The following FHOD3 variants were observed in gnomAD, a reference collection of about 807,000 sequenced individuals.
FHOD3 encodes the protein FH1/FH2 domain-containing protein 3.
In FHOD3, 90 loss-of-function variants were observed where a neutral mutation model predicts 173.0. The ratio of observed to expected loss-of-function variants is 0.52; its 90% confidence interval spans 0.44 to 0.62. FHOD3 has a LOEUF of 0.62. Among genes scored for constraint, FHOD3 ranks in the 20% least tolerant of loss-of-function variants. The probability of loss-of-function intolerance (pLI) is 0.00; values close to 1 mark genes in which losing one functional copy is unlikely to be tolerated. For synonymous variants in FHOD3, 828 were observed against 823.0 expected, an observed-to-expected ratio of 1.01 and a Z score of -0.10; for missense variants, 1,945 against 2,034.7, an observed-to-expected ratio of 0.96 and a Z score of 0.85.
chr18:36,670,442 G>C (rs1398315112), intron 14 of FHOD3, among the ~76,000 whole-genome samples: 1 of 152,048 alleles, frequency 6.6e-6, no homozygotes, highest in Non-Finnish European at 1.5e-5. Flanking sequence ...CATTTTGAAT[G>C]TGTTTCATTT....
At chr18:36,592,989 GGAAA>G (rs1394164647) in intron 6 of FHOD3, among the ~76,000 whole-genome samples, 1 of 152,138 alleles carries the variant, frequency 6.6e-6, no homozygotes, top group Non-Finnish European at 1.5e-5. Context: ...TAGAGAGTGT[GGAAA>G]GAGAGAGGAG....
At chr18:36,762,140 T>TG (rs1319450533) in intron 27 of FHOD3, among the ~76,000 whole-genome samples, 5 of 152,210 alleles carry the variant, frequency 3.3e-5, no homozygotes, top group Non-Finnish European at 7.3e-5. Flanking sequence ...ATCTTGCTGT[T>TG]GTCAACATTC....
At chr18:36,699,762 C>T (rs1034179567) in intron 17 of FHOD3, among the ~76,000 whole-genome samples, 1 of 152,266 alleles carries the variant, frequency 6.6e-6, no homozygotes, top group African/African-American at 2.4e-5. Context: ...ACCTGAAATA[C>T]ACTTTTTCAG....
chr18:36,614,223 C>G (rs2032976917), intron 9 of FHOD3, among the ~76,000 whole-genome samples: 1 of 152,130 alleles, frequency 6.6e-6, no homozygotes, highest in Non-Finnish European at 1.5e-5. Context: ...TATGGATTTA[C>G]CTGTTTTGGA....
chr18:36,418,415 A>T lies in FHOD3; in HGVS notation c.337+45671A>T, dbSNP rs185928706. On this transcript the variant is annotated intron_variant, in intron 3 of 28. Transcript: ENST00000590592. ...GCTCATGGGTTGCTTTTGCAAAAGC[A>T]ATTTGAAGATATTCCACGTTAGTTT... Among the ~76,000 whole-genome samples, 9 of 152,356 alleles carry T rather than the reference A, an allele frequency of 5.9e-5. No individual in the cohort carries two copies. In the East Asian group the frequency reaches 1.7e-3, roughly 29 times the overall value.
At chr18:36,305,285 A>G (rs2092062924) in intron 1 of FHOD3, among the ~76,000 whole-genome samples, 1 of 152,252 alleles carries the variant, frequency 6.6e-6, no homozygotes, top group South Asian at 2.1e-4. Context: ...AGATGTTAAA[A>G]TGTTAGACTC....
intron 3 of FHOD3, among the ~76,000 whole-genome samples, chr18:36,398,530 C>T (rs1392149482): frequency 6.6e-6 from 1 of 152,098 alleles, no homozygotes; most frequent in East Asian, 1.9e-4. Context: ...ATTCCAGTTG[C>T]AGTAGGTGCT....
chr18:36,459,898 C>T (rs1311549966), intron 3 of FHOD3, among the ~76,000 whole-genome samples: 1 of 152,046 alleles, frequency 6.6e-6, no homozygotes, highest in Non-Finnish European at 1.5e-5. Context: ...TGTCCAGGAC[C>T]CCACATTACA....
intron 14 of FHOD3, among the ~76,000 whole-genome samples, chr18:36,676,843 T>C (rs1324577341): frequency 2.0e-5 from 3 of 152,220 alleles, no homozygotes; most frequent in African/African-American, 7.2e-5. Flanking sequence ...CATTTTCCTC[T>C]GGGTAGTTTG....
Position 36,746,992 on chromosome 18 carries a change from A to T in FHOD3, c.4089A>T (p.Arg1363Ser), listed in dbSNP as rs762306497. Residue 1363 changes from arginine (R) to serine (S), a missense_variant, in exon 24 of 29, where the codon AGA (arginine) becomes AGT (serine). By Grantham distance (110) the Arg-to-Ser change is moderately radical. Around this residue, in one of 5 missense-constraint regions of FHOD3, gnomAD observed 354 missense variants for 359.9 expected, o/e 0.98. Coordinates refer to ENST00000590592, the MANE Select transcript of FHOD3 (RefSeq NM_001281740.3). The stretch of plus-strand genomic sequence containing the variant: ...ATAATTTATGTCAGATGGAGAGAAG[A>T]TGCAAAGCTTCATGGGATCACCTCA... ...LQDNLCQMER[R>S]CKASWDHLKA... 6.2e-6 allele frequency: 10 copies of T among 1,612,960 alleles called. No individual in the cohort carries two copies. Among genetic ancestry groups the T allele is most frequent in the Admixed American group, 1.7e-5 (1 of 59,654 alleles).
At chr18:36,397,483 A>T (rs975527422) in intron 3 of FHOD3, among the ~76,000 whole-genome samples, 1 of 152,114 alleles carries the variant, frequency 6.6e-6, no homozygotes, top group Admixed American at 6.5e-5. Flanking sequence ...TGGGTTTTAG[A>T]TACTAAAAAC....
intron 8 of FHOD3, among the ~76,000 whole-genome samples, chr18:36,604,719 T>C (rs1433551849): frequency 6.6e-6 from 1 of 152,182 alleles, no homozygotes; most frequent in African/African-American, 2.4e-5. Context: ...ATTTTAAAAA[T>C]AAAACCAGTG....
intron 20 of FHOD3, among the ~76,000 whole-genome samples, 173 bp from the exon 21 acceptor site, chr18:36,740,483 C>A (rs923378413): frequency 3.9e-5 from 6 of 152,098 alleles, no homozygotes; most frequent in Non-Finnish European, 8.8e-5. Context: ...GTGTGTGAGA[C>A]CCTGAAAATT....
intron 14 of FHOD3, among the ~76,000 whole-genome samples, chr18:36,662,402 G>C (rs1168161113): frequency 6.6e-6 from 1 of 152,172 alleles, no homozygotes; most frequent in African/African-American, 2.4e-5. Context: ...ACGCCAGAGA[G>C]GATTTCTCTG....
At chr18:36,552,540 C>G (rs1471994502) in intron 5 of FHOD3, among the ~76,000 whole-genome samples, 3 of 150,914 alleles carry the variant, frequency 2.0e-5, no homozygotes, top group Admixed American at 6.6e-5. Context: ...GCTCTGTTGC[C>G]CAGGCTGGAG....
intron 10 of FHOD3, among the ~76,000 whole-genome samples, chr18:36,626,510 C>A (rs1205476485): frequency 2.0e-5 from 3 of 152,324 alleles, no homozygotes; most frequent in Middle Eastern, 3.4e-3. Flanking sequence ...GCTGGCCATG[C>A]CTGCTCCAGA....
Position 36,386,851 on chromosome 18 carries a change from T to C in FHOD3, c.337+14107T>C, listed in dbSNP as rs145654466. ...GCTGTGGGGTCTAGCTTGGGGGGATTGGAGAAGGTGGGGTTCTGAGTGCAG... is the reference window on the plus strand; with the variant it reads ...GCTGTGGGGTCTAGCTTGGGGGGATCGGAGAAGGTGGGGTTCTGAGTGCAG... On this transcript the variant is annotated intron_variant, in intron 3 of 28. Coordinates refer to ENST00000590592, the MANE Select transcript of FHOD3 (RefSeq NM_001281740.3). 1.7e-4 allele frequency among the ~76,000 whole-genome samples: 26 copies of C among 152,048 alleles called. No homozygotes were observed. In the East Asian group the frequency reaches 5.1e-3, roughly 30 times the overall value.
At position 36,718,031 on chromosome 18, in the gene FHOD3, C is replaced by A; in HGVS notation, c.2733C>A (p.Thr911=). 6.2e-7 allele frequency: 1 copy of A among 1,605,100 alleles called. No individual in the cohort carries two copies. The highest frequency in any genetic ancestry group is 1.7e-5 in the Admixed American group (1 of 59,344). ...CCAGCCTTGCTACCAGGATATCCAC[C>A]CTGCAGGCCAACTCTCAGACCCAGG... ...AVASLATRIS[T]LQANSQTQDE... The change falls in exon 19 of 29, where the codon ACC becomes ACA. Residue 911 remains threonine, a synonymous_variant. Coordinates refer to ENST00000590592, the MANE Select transcript of FHOD3 (RefSeq NM_001281740.3).
At chr18:36,744,578 G>A (rs929119563) in intron 23 of FHOD3, among the ~76,000 whole-genome samples, 1 of 152,228 alleles carries the variant, frequency 6.6e-6, no homozygotes, top group Admixed American at 6.5e-5. Flanking sequence ...GATGTCCATA[G>A]GACCTTGCAG....
Sources: gnomAD v4.1 joint callset for allele counts (sites outside exome capture counted in the v4.1 genomes callset) on GRCh38, gnomAD v4.1.1 for gene constraint, gnomAD v4.1.1 regional missense constraint, MANE v1.5 for transcripts, NCBI Gene and HGNC (gene_info 2026-07-23, HGNC 2026-07-21) for gene names.